CEP70: variants seen among roughly 807,000 people sequenced by gnomAD.
The protein encoded by CEP70 is centrosomal protein of 70 kDa.
A neutral mutation model predicts 90.9 loss-of-function variants in CEP70; 70 were observed. The ratio of observed to expected loss-of-function variants is 0.77; its 90% CI spans 0.64 to 0.94. CEP70 has a LOEUF of 0.94. Among genes scored for constraint, CEP70 ranks in the 40% least tolerant of loss-of-function variants. The pLI is 0.00. For synonymous variants in CEP70, 220 were observed against 228.3 expected (o/e 0.96, Z 0.33); for missense variants, 648 against 669.0 (o/e 0.97, Z 0.35).
intron 12 of CEP70, among the ~76,000 whole-genome samples, chr3:138,506,676 A>T (rs1412487039): frequency 6.6e-6 from 1 of 152,188 alleles, no homozygotes; most frequent in Non-Finnish European, 1.5e-5. Context: ...TCAGATGTTT[A>T]TTTAGAAGCT....
At chr3:138,523,327 C>T (rs1288455178) in intron 11 of CEP70, among the ~76,000 whole-genome samples, 6 of 152,148 alleles carry the variant, frequency 3.9e-5, no homozygotes, top group Non-Finnish European at 8.8e-5. Context: ...GACAGGGATG[C>T]CCTCTCTCAC....
At chr3:138,570,104 G>GA (rs1011092923) in intron 6 of CEP70, among the ~76,000 whole-genome samples, 35 of 149,306 alleles carry the variant, frequency 2.3e-4, no homozygotes, top group Non-Finnish European at 3.4e-4. Context: ...AGGGAGATGA[G>GA]AAAAAAAAAC....
intron 2 of CEP70, among the ~76,000 whole-genome samples, chr3:138,577,894 A>G (rs1318151627): frequency 6.6e-6 from 1 of 152,248 alleles, no homozygotes; most frequent in East Asian, 1.9e-4. Context: ...AAATAAAAAC[A>G]TTAAAGCAGT....
chr3:138,571,234 T>G, intron 4 of CEP70, 32 bp downstream of exon 4: 1 of 1,573,594 alleles, frequency 6.4e-7, no homozygotes, highest in Non-Finnish European at 8.6e-7. Context: ...ATAAACTTTT[T>G]ACCTTAAGCA....
chr3:138,564,163 C>T (rs2040612838), intron 6 of CEP70, among the ~76,000 whole-genome samples: 3 of 152,150 alleles, frequency 2.0e-5, no homozygotes, highest in African/African-American at 7.2e-5. Context: ...AGTCAAATCC[C>T]TAAATAGACC....
At chr3:138,561,780 C>T (rs2040424276) in intron 6 of CEP70, among the ~76,000 whole-genome samples, 2 of 152,062 alleles carry the variant, frequency 1.3e-5, no homozygotes, top group African/African-American at 4.8e-5. Context: ...AATCCCAGCA[C>T]TTTGGGAGTT....
intron 11 of CEP70, among the ~76,000 whole-genome samples, chr3:138,517,009 T>C (rs1252326809): frequency 6.6e-6 from 1 of 152,156 alleles, no homozygotes; most frequent in Non-Finnish European, 1.5e-5. Flanking sequence ...GTACAAGCAG[T>C]AGATATAAAT....
intron 2 of CEP70, among the ~76,000 whole-genome samples, chr3:138,582,256 G>A (rs1388755056): frequency 1.3e-5 from 2 of 151,930 alleles, no homozygotes; most frequent in Non-Finnish European, 2.9e-5. Flanking sequence ...GGTGGATCAC[G>A]AGGTCAGGAG....
intron 2 of CEP70, among the ~76,000 whole-genome samples, chr3:138,590,325 T>C (rs1343889653): frequency 2.0e-5 from 3 of 152,112 alleles, no homozygotes; most frequent in African/African-American, 4.8e-5. Context: ...AAAAGCTCTG[T>C]AATCTCAATC....
chr3:138,577,201 G>C lies in CEP70; in HGVS notation c.-5-4269C>G, dbSNP rs565255843. On this transcript the variant is annotated intron_variant, in intron 2 of 17. Transcript: ENST00000264982. ...CACACACCAGGGCCTGTCGTGGGGT[G>C]GGGGGATGGGGGAGGGATAGCATTA... Among the ~76,000 whole-genome samples the C allele has an allele frequency of 1.2e-4, 18 of 152,244 alleles. No homozygotes were observed. In the South Asian group the frequency reaches 3.5e-3, roughly 30 times the overall value.
intron 3 of CEP70, among the ~76,000 whole-genome samples, chr3:138,572,317 A>G (rs1034967698): frequency 6.6e-6 from 1 of 152,118 alleles, no homozygotes; most frequent in African/African-American, 2.4e-5. Flanking sequence ...CCTCCCACTC[A>G]TAACTTTTCT....
intron 6 of CEP70, among the ~76,000 whole-genome samples, chr3:138,557,769 C>G (rs1484910256): frequency 1.3e-5 from 2 of 151,998 alleles, no homozygotes; most frequent in Non-Finnish European, 2.9e-5. Context: ...TAAATGTAAC[C>G]AAATACCACC....
At chr3:138,496,483 C>T in intron 17 of CEP70, 1 of 985,446 alleles carries the variant, frequency 1.0e-6, no homozygotes, top group Non-Finnish European at 1.2e-6. Context: ...ACTCCGCCCC[C>T]TGCCCATTCT....
At position 138,494,673 on chromosome 3, in the gene CEP70, C is replaced by T. The variant is rs1371017312; in HGVS notation, c.*342G>A. 1.1e-5 allele frequency: 2 copies of T among 177,534 alleles called. No homozygotes were observed. Among genetic ancestry groups the T allele is most frequent in the Admixed American group, 1.3e-4 (2 of 15,970 alleles). 11.0% of individuals were successfully genotyped at this position (177,534 alleles called of 1,614,324 possible). ...GGTGTGGCTCAAAGATTATTACAAG[C>T]TGAATCTAAAAGATTGCAACCTACT... On this transcript the variant is annotated 3_prime_UTR_variant, in exon 18 of 18. Coordinates refer to ENST00000264982, the MANE Select transcript of CEP70 (RefSeq NM_024491.4).
In CEP70 at chr3:138,548,543, T is replaced by C. The variant is rs535759989; in HGVS notation, c.466-11196A>G. Among the ~76,000 whole-genome samples the C allele has an allele frequency of 3.9e-5, 6 of 152,386 alleles. No individual in the cohort carries two copies. The South Asian group carries it at 1.2e-3, about 32-fold the overall frequency. On this transcript the variant is annotated intron_variant, in intron 6 of 17. Transcript: ENST00000264982. ...ACCCTGCTTACTCTTTGGAATAAGA[T>C]GCCTTAATCTTAGGCTTCAAATAAT... is the stretch of plus-strand genomic sequence containing the variant.
intron 2 of CEP70, among the ~76,000 whole-genome samples, chr3:138,575,379 G>C (rs1287621246): frequency 6.6e-6 from 1 of 152,158 alleles, no homozygotes; most frequent in Non-Finnish European, 1.5e-5. Context: ...TTAATGAAAT[G>C]AAGCGAGAAG....
At chr3:138,585,262 A>G (rs2042053513) in intron 2 of CEP70, among the ~76,000 whole-genome samples, 1 of 152,194 alleles carries the variant, frequency 6.6e-6, no homozygotes, top group Non-Finnish European at 1.5e-5. Context: ...GACAATCTGA[A>G]AAAGAAATCA....
intron 5 of CEP70, 48 bp downstream of exon 5, chr3:138,570,986 T>G (rs1228923294): frequency 7.0e-7 from 1 of 1,436,772 alleles, no homozygotes. Flanking sequence ...GCAGTTATTT[T>G]TAGAACGCAT....
intron 2 of CEP70, among the ~76,000 whole-genome samples, chr3:138,588,754 C>T (rs2042231205): frequency 6.6e-6 from 1 of 152,140 alleles, no homozygotes; most frequent in Non-Finnish European, 1.5e-5. Context: ...GAAATGAAAG[C>T]ATTATGTCCA....
Sources: allele counts gnomAD v4.1 joint callset (sites outside exome capture counted in the v4.1 genomes callset), GRCh38; gene constraint gnomAD v4.1.1; transcripts MANE v1.5; gene names NCBI Gene and HGNC (gene_info 2026-07-23, HGNC 2026-07-21).